The following GLT1D1 variants were observed in gnomAD, a reference collection of about 807,000 sequenced individuals.
GLT1D1 encodes the protein glycosyltransferase 1 domain-containing protein 1.
Under a neutral mutation model 28.7 loss-of-function variants are expected in GLT1D1, and 21 were observed. The observed-to-expected ratio is 0.73, with a 90% CI of 0.52 to 1.05. The LOEUF (loss-of-function observed/expected upper bound fraction) is 1.05. GLT1D1 is among the 50% of genes least tolerant of loss of function. The pLI, the probability that GLT1D1 is intolerant of heterozygous loss-of-function variation, is 0.00. For missense variants in GLT1D1, 343 were observed against 330.6 expected, an observed-to-expected ratio of 1.04 and a Z score of -0.29; for synonymous variants, 147 against 124.8, an observed-to-expected ratio of 1.18 and a Z score of -1.19.
intron 4 of GLT1D1, among the ~76,000 whole-genome samples, chr12:128,908,246 T>C (rs1025741175): frequency 3.9e-5 from 6 of 152,172 alleles, no homozygotes; most frequent in Non-Finnish European, 7.4e-5. Flanking sequence ...TGCTCCATAT[T>C]GGACCTGACA....
At chr12:128,885,750 A>G (rs1957160413) in intron 2 of GLT1D1, among the ~76,000 whole-genome samples, 1 of 152,162 alleles carries the variant, frequency 6.6e-6, no homozygotes, top group Non-Finnish European at 1.5e-5. Context: ...TAAGTACTAA[A>G]TATGTTCACA....
chr12:128,980,877 T>C (rs1255055139), intron 7 of GLT1D1, among the ~76,000 whole-genome samples: 1 of 152,212 alleles, frequency 6.6e-6, no homozygotes, highest in Non-Finnish European at 1.5e-5. Flanking sequence ...GGCAGTGTCA[T>C]ATCGCAAAGA....
At chr12:128,874,123 TC>T (rs1230497689) in intron 1 of GLT1D1, among the ~76,000 whole-genome samples, 9 of 57,988 alleles carry the variant, frequency 1.6e-4, no homozygotes, top group African/African-American at 3.8e-4. Flanking sequence ...TCTCTCTCTC[TC>T]TCTTTCTTTC....
intron 4 of GLT1D1, among the ~76,000 whole-genome samples, chr12:128,932,992 T>C (rs1399530088): frequency 6.6e-6 from 1 of 152,098 alleles, no homozygotes; most frequent in Non-Finnish European, 1.5e-5. Flanking sequence ...TATTCTGGAC[T>C]CCCCCGGTCC....
At chr12:128,955,459 A>C (rs1419914361) in intron 6 of GLT1D1, among the ~76,000 whole-genome samples, 1 of 151,858 alleles carries the variant, frequency 6.6e-6, no homozygotes, top group African/African-American at 2.4e-5. Flanking sequence ...GAGAAAGTTC[A>C]GTGTTAGTTA....
In GLT1D1 at chr12:128,873,901, CTCTT is replaced by C. The variant is rs1161312175; in HGVS notation, c.69-2005_69-2002del. Among the ~76,000 whole-genome samples the C allele has an allele frequency of 1.1e-4, 13 of 114,424 alleles. No homozygotes were observed. In the South Asian group the frequency reaches 2.5e-3, roughly 22 times the overall value. 75.1% of individuals were successfully genotyped at this position (114,424 alleles called of 152,430 possible). A position where few individuals can be genotyped will look rare whatever the true frequency, so the allele number is the denominator to read the frequency against. The stretch of plus-strand genomic sequence containing the variant: ...TTCCTTCCTCTCTCTTGCTCCCTTT[CTCTT>C]TCTTTCTCTCTTTCTTTTTCTTTCT... On this transcript the variant is annotated intron_variant, in intron 1 of 7. Transcript: ENST00000281703.
intron 4 of GLT1D1, among the ~76,000 whole-genome samples, chr12:128,941,567 CTCT>C (rs1428051104): frequency 1.6e-5 from 2 of 127,046 alleles, no homozygotes; most frequent in African/African-American, 3.4e-5. Context: ...CTCTCTCTTT[CTCT>C]TTTTTTTTTT....
At chr12:128,870,277 A>AACG (rs1329685898) in intron 1 of GLT1D1, among the ~76,000 whole-genome samples, 1 of 152,132 alleles carries the variant, frequency 6.6e-6, no homozygotes, top group Non-Finnish European at 1.5e-5. Flanking sequence ...AAACAACAAC[A>AACG]ACAAAAAAAC....
chr12:128,913,470 C>T (rs1268745210), intron 4 of GLT1D1, among the ~76,000 whole-genome samples: 1 of 152,196 alleles, frequency 6.6e-6, no homozygotes, highest in Non-Finnish European at 1.5e-5. Flanking sequence ...ATCTGTCCGC[C>T]TTGGCCTCCC....
intron 3 of GLT1D1, among the ~76,000 whole-genome samples, chr12:128,898,921 G>A (rs1332596739): frequency 1.3e-5 from 2 of 152,212 alleles, no homozygotes; most frequent in Non-Finnish European, 2.9e-5. Flanking sequence ...GATTAACCCA[G>A]CAAGTTCCTT....
intron 2 of GLT1D1, among the ~76,000 whole-genome samples, chr12:128,881,125 G>A (rs148188175): frequency 0.022 from 3,264 of 150,326 alleles, 116 homozygotes; most frequent in African/African-American, 0.071. Context: ...TGGGGAGGTT[G>A]AGGAAGGCGA....
At chr12:128,936,587 A>G (rs1018715755) in intron 4 of GLT1D1, among the ~76,000 whole-genome samples, 1 of 152,218 alleles carries the variant, frequency 6.6e-6, no homozygotes, top group African/African-American at 2.4e-5. Context: ...AACCGTTTCA[A>G]CGAAGCATAT....
At chr12:128,865,808 C>T (rs899472633) in intron 1 of GLT1D1, among the ~76,000 whole-genome samples, 11 of 151,782 alleles carry the variant, frequency 7.2e-5, no homozygotes, top group Non-Finnish European at 1.3e-4. Context: ...GGTGACAGGG[C>T]GAGACTCTGC....
chr12:128,915,531 A>T (rs547026774), intron 4 of GLT1D1, among the ~76,000 whole-genome samples: 24 of 151,928 alleles, frequency 1.6e-4, no homozygotes, highest in African/African-American at 5.6e-4. Context: ...TGCCTGGCTA[A>T]TTTTTGTATT....
intron 3 of GLT1D1, among the ~76,000 whole-genome samples, chr12:128,890,763 C>A (rs919508265): frequency 3.9e-5 from 6 of 152,044 alleles, no homozygotes; most frequent in African/African-American, 1.4e-4. Context: ...TTTTGGGAGA[C>A]TGAGGCAGGT....
At chr12:128,866,618 C>CTT (rs538025804) in intron 1 of GLT1D1, among the ~76,000 whole-genome samples, 43 of 130,594 alleles carry the variant, frequency 3.3e-4, no homozygotes, top group African/African-American at 9.6e-4. Context: ...CACCTTCAGG[C>CTT]TTTTTTTTTT....
chr12:128,956,175 G>GAT, intron 6 of GLT1D1, among the ~76,000 whole-genome samples: 1 of 19,516 alleles, frequency 5.1e-5, no homozygotes, highest in African/African-American at 1.4e-4. Context: ...AAAAAAAAGA[G>GAT]AAAGAGAGAA....
chr12:128,853,626 C>A lies in GLT1D1; in HGVS notation c.45C>A (p.Asn15Lys). Residue 15 changes from asparagine to lysine, a missense_variant, in exon 1 of 8, where the codon AAC becomes AAA. Transcript: ENST00000281703. ...CGGTGCTGCGGCCACACACCGGCAA[C>A]GCGGTCACGGCCCAGCGCGTTCGGT... is the stretch of plus-strand genomic sequence containing the variant. 2 of 1,180,894 alleles carry A rather than the reference C, an allele frequency of 1.7e-6. No homozygotes were observed. The highest frequency in any genetic ancestry group is 2.3e-5 in the South Asian group (1 of 43,102). The allele number at this position is 1,180,894 out of a possible 1,614,324, so 73.2% of individuals were successfully genotyped here.
At chr12:128,853,687 G>T in intron 1 of GLT1D1, 38 bp downstream of exon 1, 5 of 1,051,760 alleles carry the variant, frequency 4.8e-6, no homozygotes, top group Non-Finnish European at 5.8e-6. Flanking sequence ...AGCCTGGGCC[G>T]GGGGCCGGGG....
Sources: allele counts gnomAD v4.1 joint callset (sites outside exome capture counted in the v4.1 genomes callset), GRCh38; gene constraint gnomAD v4.1.1; transcripts MANE v1.5; gene names NCBI Gene and HGNC (gene_info 2026-07-23, HGNC 2026-07-21).